RIPOR3: variants seen among roughly 807,000 people sequenced by gnomAD.
The protein encoded by RIPOR3 is RIPOR family member 3.
Under a neutral mutation model 114.3 loss-of-function variants are expected in RIPOR3, and 95 were observed. That is an observed-to-expected ratio of 0.83 (90% CI 0.70 to 0.99). The LOEUF is 0.99. Ranked by LOEUF, RIPOR3 falls within the 50% of genes least tolerant of loss-of-function variation. The probability of loss-of-function intolerance (pLI) is 0.00; values close to 1 mark genes in which losing one functional copy is unlikely to be tolerated. For missense variants in RIPOR3, 1,252 were observed against 1,266.9 expected (o/e 0.99, Z 0.18); for synonymous variants, 575 against 543.8 (o/e 1.06, Z -0.80).
At chr20:50,604,561 G>T in intron 12 of RIPOR3, 84 bp downstream of exon 12, 3 of 1,476,786 alleles carry the variant, frequency 2.0e-6, no homozygotes, top group Non-Finnish European at 2.7e-6. Flanking sequence ...TGTCTGGGAG[G>T]GCCAGACTGC....
chr20:50,640,866 G>T (rs6096038), intron 1 of RIPOR3, among the ~76,000 whole-genome samples: 74,808 of 149,978 alleles, frequency 0.5, 21,639 homozygotes, highest in African/African-American at 0.82. Context: ...TATTATATAA[G>T]AGTAATGTAT....
chr20:50,608,804 C>A, intron 9 of RIPOR3, 66 bp from the exon 10 acceptor site: 2 of 1,612,298 alleles, frequency 1.2e-6, no homozygotes, highest in South Asian at 1.1e-5. Context: ...CCGCCCAGGG[C>A]CCTCCCTGCC....
At chr20:50,588,515 T>C (rs1057295196) in intron 20 of RIPOR3, among the ~76,000 whole-genome samples, 2 of 152,180 alleles carry the variant, frequency 1.3e-5, no homozygotes, top group Admixed American at 1.3e-4. Flanking sequence ...ATGGGATCTA[T>C]GTGTGGGTTG....
chr20:50,688,297 C>T (rs1454252029), intron 1 of RIPOR3, among the ~76,000 whole-genome samples: 1 of 151,984 alleles, frequency 6.6e-6, no homozygotes, highest in South Asian at 2.1e-4. Context: ...ACTACAGGCA[C>T]GCACCACCAC....
At chr20:50,636,087 T>G (rs1414536916) in intron 1 of RIPOR3, among the ~76,000 whole-genome samples, 1 of 152,228 alleles carries the variant, frequency 6.6e-6, no homozygotes, top group African/African-American at 2.4e-5. Context: ...CCCTCCCGGC[T>G]GGGCCTGGTG....
intron 1 of RIPOR3, among the ~76,000 whole-genome samples, chr20:50,649,735 A>G (rs996689320): frequency 2.0e-5 from 3 of 152,186 alleles, no homozygotes; most frequent in African/African-American, 4.8e-5. Flanking sequence ...GGATGACCCA[A>G]TGGGGTGAGT....
At chr20:50,686,247 G>A (rs56376750) in intron 1 of RIPOR3, among the ~76,000 whole-genome samples, 74,637 of 151,172 alleles carry the variant, frequency 0.49, 21,500 homozygotes, top group Non-Finnish European at 0.63. Context: ...TAGTAGAGAC[G>A]GGGTTTCACT....
chr20:50,597,748 G>T, intron 13 of RIPOR3, 38 bp from the exon 14 acceptor site: 1 of 1,602,648 alleles, frequency 6.2e-7, no homozygotes. Flanking sequence ...GCAACACCGG[G>T]CCCCACCCAC....
chr20:50,596,944 A>AG (rs1205945796), intron 14 of RIPOR3: 3 of 147,682 alleles, frequency 2.0e-5, no homozygotes, highest in African/African-American at 7.5e-5. Flanking sequence ...CACCTTGGTT[A>AG]GGGGCTAAGA....
rs564691265 is a variant in RIPOR3, at chr20:50,665,046, G to A, written c.3+26080C>T. Among the ~76,000 whole-genome samples the A allele has an allele frequency of 4.9e-3, 750 of 152,284 alleles. 2 individuals are homozygous for A. The highest frequency in any genetic ancestry group is 0.024 in the Middle Eastern group (7 of 294). ...GAACCCAGGAGGCAGAGATTGCAGT[G>A]AGCCAAGATCATGCCACTGCATTCC... On this transcript the variant is annotated intron_variant, in intron 1 of 21. Coordinates refer to ENST00000327979, the MANE Select transcript of RIPOR3 (RefSeq NM_001290268.2).
intron 3 of RIPOR3, among the ~76,000 whole-genome samples, chr20:50,616,881 G>A (rs900607949): frequency 1.2e-4 from 19 of 152,278 alleles, no homozygotes; most frequent in African/African-American, 4.1e-4. Flanking sequence ...CGTGGCTGAC[G>A]CCTGTAATCC....
chr20:50,594,518 T>C, intron 17 of RIPOR3, 35 bp downstream of exon 17: 1 of 1,598,404 alleles, frequency 6.3e-7, no homozygotes, highest in Non-Finnish European at 8.6e-7. Flanking sequence ...ACAGCCTTTC[T>C]GTGGGAGGGG....
At chr20:50,622,596 GAAC>G (rs2084456941) in intron 2 of RIPOR3, among the ~76,000 whole-genome samples, 1 of 152,112 alleles carries the variant, frequency 6.6e-6, no homozygotes, top group African/African-American at 2.4e-5. Flanking sequence ...AAAGCTGGCT[GAAC>G]AACAAGAGAG....
At chr20:50,662,858 G>A (rs896609691) in intron 1 of RIPOR3, among the ~76,000 whole-genome samples, 18 of 152,212 alleles carry the variant, frequency 1.2e-4, no homozygotes, top group African/African-American at 4.1e-4. Flanking sequence ...ACTTGGGGAG[G>A]CCGAGGCGGG....
intron 1 of RIPOR3, among the ~76,000 whole-genome samples, chr20:50,644,848 T>TTA (rs1174340227): frequency 4.0e-5 from 6 of 150,328 alleles, no homozygotes; most frequent in African/African-American, 1.5e-4. Context: ...TTTTTTATTT[T>TTA]TTTTTTTTGA....
At chr20:50,634,201 C>T (rs571038306) in intron 1 of RIPOR3, among the ~76,000 whole-genome samples, 1 of 152,056 alleles carries the variant, frequency 6.6e-6, no homozygotes, top group African/African-American at 2.4e-5. Flanking sequence ...AGGCTGTTCT[C>T]GAACTCCTGA....
At chr20:50,664,227 C>T (rs552352834) in intron 1 of RIPOR3, among the ~76,000 whole-genome samples, 10 of 152,092 alleles carry the variant, frequency 6.6e-5, no homozygotes, top group African/African-American at 2.4e-4. Context: ...GCACCTGGCC[C>T]CAATATATTA....
intron 3 of RIPOR3, among the ~76,000 whole-genome samples, chr20:50,618,624 C>G (rs1215178998): frequency 6.6e-6 from 1 of 152,192 alleles, no homozygotes; most frequent in Non-Finnish European, 1.5e-5. Context: ...GCCTGTTTTC[C>G]TCTGTGGCCC....
intron 13 of RIPOR3, 84 bp from the exon 14 acceptor site, chr20:50,597,794 C>T: frequency 6.6e-7 from 1 of 1,526,102 alleles, no homozygotes; most frequent in Non-Finnish European, 8.8e-7. Context: ...TCACGGCAGA[C>T]TTGGGCAATG....
Sources: gnomAD v4.1 joint callset for allele counts (sites outside exome capture counted in the v4.1 genomes callset) on GRCh38, gnomAD v4.1.1 for gene constraint, MANE v1.5 for transcripts, NCBI Gene and HGNC (gene_info 2026-07-23, HGNC 2026-07-21) for gene names.